CPT1A: variants seen among roughly 807,000 people sequenced by gnomAD.
The protein encoded by CPT1A is carnitine O-palmitoyltransferase 1, liver isoform.
A neutral mutation model predicts 100.8 loss-of-function variants in CPT1A; 64 were observed. The observed-to-expected ratio is 0.63, with a 90% CI of 0.52 to 0.78. The LOEUF is 0.78. Among genes scored for constraint, CPT1A ranks in the 30% least tolerant of loss-of-function variants. The pLI, the probability that CPT1A is intolerant of heterozygous loss-of-function variation, is 0.00. For synonymous variants in CPT1A, 363 were observed against 396.0 expected (o/e 0.92, Z 0.99); for missense variants, 802 against 1,034.1 (o/e 0.78, Z 3.08).
intron 4 of CPT1A, among the ~76,000 whole-genome samples, chr11:68,805,623 C>G (rs752429968): frequency 6.6e-6 from 1 of 152,052 alleles, no homozygotes; most frequent in South Asian, 2.1e-4. Flanking sequence ...AGAAGGGCAC[C>G]GGGGCCAAGG....
intron 14 of CPT1A, 151 bp from the exon 15 acceptor site, chr11:68,762,912 A>G: frequency 1.1e-6 from 1 of 938,732 alleles, no homozygotes; most frequent in Non-Finnish European, 1.6e-6. Flanking sequence ...GCTGGCATGC[A>G]GTAGCATGAT....
chr11:68,836,072 A>G (rs1857001925), intron 1 of CPT1A, among the ~76,000 whole-genome samples: 1 of 152,196 alleles, frequency 6.6e-6, no homozygotes, highest in South Asian at 2.1e-4. Context: ...CAATGCCAGC[A>G]TTTGATACCT....
At chr11:68,810,595 G>A (rs1331146597) in intron 3 of CPT1A, among the ~76,000 whole-genome samples, 1 of 152,168 alleles carries the variant, frequency 6.6e-6, no homozygotes, top group Non-Finnish European at 1.5e-5. Flanking sequence ...GTCCTCTGCA[G>A]ACCCTTCGCA....
rs552283447 is a variant in CPT1A at position 68,789,048 on chromosome 11, C to T, written c.968-4038G>A. Among the ~76,000 whole-genome samples the T allele has an allele frequency of 1.4e-4, 22 of 152,258 alleles. No homozygotes were observed. The South Asian group carries it at 4.4e-3, about 30-fold the overall frequency. On this transcript the variant is annotated intron_variant, in intron 9 of 18. Transcript: ENST00000265641. ...AACAGGAAAGAAAGAAAAGCGTTCACATACTGGAATTGTTTTGATACTATA... is the reference window on the plus strand; with the variant it reads ...AACAGGAAAGAAAGAAAAGCGTTCATATACTGGAATTGTTTTGATACTATA...
chr11:68,838,583 A>AAAACAAAAAAAAAC (rs1439077617), intron 1 of CPT1A, among the ~76,000 whole-genome samples: 1 of 141,166 alleles, frequency 7.1e-6, no homozygotes, highest in African/African-American at 2.8e-5. Context: ...AAAAAAAAAA[A>AAAACAAAAAAAAAC]AAAAAAAACA....
chr11:68,773,541 G>A, intron 13 of CPT1A, 112 bp from the exon 14 acceptor site: 1 of 1,558,802 alleles, frequency 6.4e-7, no homozygotes, highest in Non-Finnish European at 8.7e-7. Flanking sequence ...TCGGTACTGG[G>A]AAGTACACAA....
chr11:68,765,610 G>A (rs1383389504), intron 14 of CPT1A, among the ~76,000 whole-genome samples: 1 of 152,186 alleles, frequency 6.6e-6, no homozygotes, highest in Non-Finnish European at 1.5e-5. Flanking sequence ...TTCCAAAGCA[G>A]GAGGCAAATA....
chr11:68,839,944 T>C (rs1386396086), intron 1 of CPT1A, among the ~76,000 whole-genome samples: 1 of 152,254 alleles, frequency 6.6e-6, no homozygotes, highest in African/African-American at 2.4e-5. Flanking sequence ...TTTTGGCCTG[T>C]GCATGATGCC....
chr11:68,803,470 G>A (rs1372426938), intron 5 of CPT1A, among the ~76,000 whole-genome samples: 1 of 152,120 alleles, frequency 6.6e-6, no homozygotes, highest in Non-Finnish European at 1.5e-5. Context: ...CAGAACTTTG[G>A]GAGGCTGAGG....
At chr11:68,835,264 G>A (rs367551311) in intron 1 of CPT1A, among the ~76,000 whole-genome samples, 28 of 152,296 alleles carry the variant, frequency 1.8e-4, no homozygotes, top group African/African-American at 5.8e-4. Context: ...CGGCACTCGG[G>A]CAGGAGCTCA....
upstream of CPT1A, among the ~76,000 whole-genome samples, chr11:68,843,326 T>A (rs1239234103): frequency 6.6e-6 from 1 of 151,906 alleles, no homozygotes. The surrounding 1 kb of genome is among the most constrained non-coding windows in gnomAD (Gnocchi z 4.0). Flanking sequence ...GTGATCCATT[T>A]ACGCGGCCCC....
chr11:68,810,772 G>A (rs1022007712), intron 3 of CPT1A, among the ~76,000 whole-genome samples: 5 of 152,060 alleles, frequency 3.3e-5, no homozygotes, highest in Admixed American at 3.3e-4. Flanking sequence ...ACCACCTGAG[G>A]TCAATAGTTC....
intron 10 of CPT1A, among the ~76,000 whole-genome samples, chr11:68,782,794 C>T (rs915927791): frequency 5.9e-5 from 9 of 152,216 alleles, no homozygotes; most frequent in African/African-American, 1.4e-4. Flanking sequence ...CCTAGAAACA[C>T]GCTAGGCCTC....
chr11:68,839,350 C>T (rs140741552), intron 1 of CPT1A, among the ~76,000 whole-genome samples: 3,984 of 152,312 alleles, frequency 0.026, 159 homozygotes, highest in African/African-American at 0.088. Context: ...CTTCGCGCCC[C>T]GCCCCTTCCC....
At chr11:68,834,692 G>C (rs1316691738) in intron 1 of CPT1A, among the ~76,000 whole-genome samples, 1 of 152,128 alleles carries the variant, frequency 6.6e-6, no homozygotes, top group Non-Finnish European at 1.5e-5. Context: ...AGTGAGCTAT[G>C]ATCACGCCAC....
In CPT1A at chr11:68,773,376, G is replaced by A; in HGVS notation, c.1629C>T (p.Asp543=). 2 of 1,614,210 alleles carry A rather than the reference G, an allele frequency of 1.2e-6. No homozygotes were observed. Among genetic ancestry groups the A allele is most frequent in the Non-Finnish European group, 1.7e-6 (2 of 1,180,030 alleles). ...SLNTANLLAN[D]VDFHSFPFVA... ...CGAATGGGAAGGAATGGAAATCCAC[G>A]TCGTTTGCCAGAAGATTTGCGGTGT... Residue 543 remains aspartate, a synonymous_variant, in exon 14 of 19, where the codon GAC becomes GAT. Transcript: ENST00000265641.
intron 3 of CPT1A, 23 bp from the exon 4 acceptor site, chr11:68,807,661 G>A (rs1335019085): frequency 6.2e-7 from 1 of 1,613,262 alleles, no homozygotes; most frequent in East Asian, 2.2e-5. Context: ...ACCCAGACAA[G>A]GGAGGCTGTG....
chr11:68,837,700 G>C (rs562524454), intron 1 of CPT1A, among the ~76,000 whole-genome samples: 228 of 152,258 alleles, frequency 1.5e-3, no homozygotes, highest in African/African-American at 5.2e-3. Context: ...CGGGCAGGGC[G>C]AGGGGGCTTA....
chr11:68,827,975 T>C (rs995592994), intron 1 of CPT1A, among the ~76,000 whole-genome samples: 13 of 152,160 alleles, frequency 8.5e-5, no homozygotes, highest in Non-Finnish European at 2.9e-5. Context: ...CTCTGTTCAC[T>C]TTTTCACTGT....
Sources: allele counts gnomAD v4.1 joint callset (sites outside exome capture counted in the v4.1 genomes callset), GRCh38; gene constraint gnomAD v4.1.1; non-coding constraint Gnocchi (gnomAD v3.1); transcripts MANE v1.5; gene names NCBI Gene and HGNC (gene_info 2026-07-23, HGNC 2026-07-21).